The following SLC25A21 variants were observed in gnomAD, a reference collection of about 807,000 sequenced individuals.
The protein encoded by SLC25A21 is solute carrier family 25 member 21, also known as mitochondrial 2-oxodicarboxylate carrier.
In SLC25A21, 47 loss-of-function variants were observed where a neutral mutation model predicts 43.8. The ratio of observed to expected loss-of-function variants is 1.07; its 90% CI spans 0.85 to 1.37. SLC25A21 has a LOEUF of 1.37. Ranked by LOEUF, SLC25A21 falls within the 40% of genes most tolerant of loss-of-function variation. The pLI is 0.00. For synonymous variants in SLC25A21, 131 were observed against 121.3 expected (o/e 1.08, Z -0.52); for missense variants, 352 against 350.2 (o/e 1.00, Z -0.04).
chr14:37,055,633 G>GGT (rs1961808071), intron 1 of SLC25A21, among the ~76,000 whole-genome samples: 1 of 152,144 alleles, frequency 6.6e-6, no homozygotes, highest in Non-Finnish European at 1.5e-5. Context: ...GGAGAGGGAA[G>GGT]GTGTAGCCTC....
At chr14:37,079,769 T>C (rs1162347134) in intron 1 of SLC25A21, among the ~76,000 whole-genome samples, 2 of 152,244 alleles carry the variant, frequency 1.3e-5, no homozygotes, top group Non-Finnish European at 2.9e-5. Flanking sequence ...CATGCCATTA[T>C]CACTGCCTAT....
chr14:36,865,380 T>C (rs891057174), intron 2 of SLC25A21, among the ~76,000 whole-genome samples: 23 of 152,256 alleles, frequency 1.5e-4, no homozygotes, highest in African/African-American at 5.3e-4. Context: ...TTTCCCATCC[T>C]CTGGTGCTGA....
At chr14:36,973,299 G>A (rs1959795295) in intron 1 of SLC25A21, among the ~76,000 whole-genome samples, 1 of 152,140 alleles carries the variant, frequency 6.6e-6, no homozygotes, top group South Asian at 2.1e-4. Context: ...GACAAGTGAT[G>A]TCAGGAACAG....
chr14:37,117,854 GT>G (rs199625431), intron 1 of SLC25A21, among the ~76,000 whole-genome samples: 4 of 29,580 alleles, frequency 1.4e-4, no homozygotes, highest in Non-Finnish European at 3.9e-4. Context: ...ACCAAACATA[GT>G]TTTTTTTTGT....
At chr14:36,854,453 C>T (rs563889731) in intron 2 of SLC25A21, among the ~76,000 whole-genome samples, 25 of 152,298 alleles carry the variant, frequency 1.6e-4, no homozygotes, top group African/African-American at 5.8e-4. Context: ...AATTCTGGCT[C>T]TCTCCTTTCT....
chr14:37,097,320 T>G (rs1962717970), intron 1 of SLC25A21: 1 of 152,116 alleles, frequency 6.6e-6, no homozygotes, highest in Admixed American at 6.6e-5. Context: ...AAGCTGGTCT[T>G]GAACTCCTGA....
At chr14:36,892,814 T>C (rs548725926) in intron 1 of SLC25A21, among the ~76,000 whole-genome samples, 3 of 152,236 alleles carry the variant, frequency 2.0e-5, no homozygotes, top group East Asian at 3.9e-4. Flanking sequence ...TTTTTTGTCC[T>C]TGCGATAGTT....
At chr14:36,915,397 T>C (rs1891802702) in intron 1 of SLC25A21, among the ~76,000 whole-genome samples, 1 of 152,012 alleles carries the variant, frequency 6.6e-6, no homozygotes, top group Non-Finnish European at 1.5e-5. Context: ...GCAAAAGGGG[T>C]GGAGACAATT....
intron 2 of SLC25A21, chr14:36,870,531 T>C (rs1890340670): frequency 6.6e-6 from 1 of 152,144 alleles, no homozygotes; most frequent in African/African-American, 2.4e-5. Context: ...GTCTCTTTCC[T>C]TGTTCTTAGA....
intron 8 of SLC25A21, 114 bp from the exon 9 acceptor site, chr14:36,683,994 A>T: frequency 1.5e-6 from 1 of 669,122 alleles, no homozygotes; most frequent in Non-Finnish European, 2.5e-6. Context: ...TTGGAATTAC[A>T]CACATCTCAA....
intron 1 of SLC25A21, among the ~76,000 whole-genome samples, chr14:37,106,035 T>C (rs906166828): frequency 6.6e-6 from 1 of 152,186 alleles, no homozygotes; most frequent in Non-Finnish European, 1.5e-5. Context: ...CTGTCTTTAC[T>C]TTACTCTCTT....
chr14:37,024,562 A>G (rs888361861), intron 1 of SLC25A21, among the ~76,000 whole-genome samples: 1 of 152,078 alleles, frequency 6.6e-6, no homozygotes, highest in African/African-American at 2.4e-5. Context: ...TGCATCTCTC[A>G]GTACGTTTAC....
intron 3 of SLC25A21, among the ~76,000 whole-genome samples, chr14:36,782,767 AC>A (rs1887110277): frequency 7.3e-6 from 1 of 136,436 alleles, no homozygotes. Flanking sequence ...TCACATGGAC[AC>A]AGGAAGGGGA....
chr14:37,033,088 T>C (rs1159525999), intron 1 of SLC25A21, among the ~76,000 whole-genome samples: 1 of 152,176 alleles, frequency 6.6e-6, no homozygotes, highest in African/African-American at 2.4e-5. Context: ...CTTTTCATCT[T>C]ACAAAACTAA....
chr14:37,119,234 C>T (rs916074351), intron 1 of SLC25A21, among the ~76,000 whole-genome samples: 1 of 152,148 alleles, frequency 6.6e-6, no homozygotes. Flanking sequence ...CATAAATCCA[C>T]CCCTTGCTTA....
intron 1 of SLC25A21, among the ~76,000 whole-genome samples, chr14:37,103,238 A>G (rs1279645372): frequency 6.6e-6 from 1 of 152,180 alleles, no homozygotes; most frequent in East Asian, 1.9e-4. Context: ...AGATTTGCAT[A>G]TCTCTTCCTT....
intron 6 of SLC25A21, among the ~76,000 whole-genome samples, chr14:36,719,965 A>G (rs1884310181): frequency 6.6e-6 from 1 of 152,028 alleles, no homozygotes. Context: ...CATGAACCTA[A>G]CAGAAGGAAC....
intron 1 of SLC25A21, among the ~76,000 whole-genome samples, chr14:36,886,735 C>T (rs1890924902): frequency 6.6e-6 from 1 of 152,130 alleles, no homozygotes; most frequent in African/African-American, 2.4e-5. Flanking sequence ...ATGAAAATCT[C>T]ACCTGTAAAC....
At chr14:36,736,297 A>G (rs1185865500) in intron 3 of SLC25A21, among the ~76,000 whole-genome samples, 3 of 152,160 alleles carry the variant, frequency 2.0e-5, no homozygotes, top group African/African-American at 7.2e-5. Flanking sequence ...AAGCAGATAC[A>G]TGATTTGGAG....
Sources: gnomAD v4.1 joint callset for allele counts (sites outside exome capture counted in the v4.1 genomes callset) on GRCh38, gnomAD v4.1.1 for gene constraint, MANE v1.5 for transcripts, NCBI Gene and HGNC (gene_info 2026-07-23, HGNC 2026-07-21) for gene names.